RPS6KA2: variants seen among roughly 807,000 people sequenced by gnomAD.
RPS6KA2 encodes ribosomal protein S6 kinase alpha-2.
Under a neutral mutation model 91.8 loss-of-function variants are expected in RPS6KA2, and 42 were observed. The observed-to-expected ratio is 0.46, with a 90% CI of 0.36 to 0.59. RPS6KA2 has a LOEUF of 0.59. RPS6KA2 is among the 20% of genes least tolerant of loss of function. The pLI is 0.00. For missense variants in RPS6KA2, 798 were observed against 978.5 expected (o/e 0.82, Z 2.46); for synonymous variants, 414 against 393.6 (o/e 1.05, Z -0.61).
At chr6:166,840,434 G>A (rs73270722) in intron 2 of RPS6KA2, among the ~76,000 whole-genome samples, 7,925 of 152,200 alleles carry the variant, frequency 0.052, 731 homozygotes, top group African/African-American at 0.18. Flanking sequence ...AAGTTTGCCT[G>A]GCACAGACAC....
chr6:166,602,585 C>A (rs182941909), intron 1 of RPS6KA2, among the ~76,000 whole-genome samples: 7 of 152,206 alleles, frequency 4.6e-5, no homozygotes, highest in African/African-American at 1.7e-4. Context: ...TGAATGCAAC[C>A]TGGAACAAGA....
intron 2 of RPS6KA2, among the ~76,000 whole-genome samples, chr6:166,671,905 G>C (rs1473393658): frequency 6.6e-6 from 1 of 152,168 alleles, no homozygotes; most frequent in East Asian, 1.9e-4. Flanking sequence ...CCGAGGTTCA[G>C]ATTCGCAGGA....
At chr6:166,547,377 G>A (rs1244494930) in intron 1 of RPS6KA2, among the ~76,000 whole-genome samples, 1 of 152,218 alleles carries the variant, frequency 6.6e-6, no homozygotes, top group African/African-American at 2.4e-5. Context: ...CAGCTGATGG[G>A]GTGATGGGGA....
At chr6:166,742,861 AAC>A (rs1178423921) in intron 2 of RPS6KA2, among the ~76,000 whole-genome samples, 1 of 152,202 alleles carries the variant, frequency 6.6e-6, no homozygotes, top group Non-Finnish European at 1.5e-5. Flanking sequence ...CAGACACACA[AAC>A]AGACCCCATA....
intron 1 of RPS6KA2, among the ~76,000 whole-genome samples, chr6:166,858,590 G>A (rs1404692935): frequency 2.0e-5 from 3 of 152,226 alleles, no homozygotes; most frequent in Non-Finnish European, 2.9e-5. Flanking sequence ...TGGAGAAAGC[G>A]TGGATTTTCA....
intron 2 of RPS6KA2, among the ~76,000 whole-genome samples, chr6:166,641,720 A>G (rs866248120): frequency 2.5e-5 from 1 of 40,306 alleles, no homozygotes; most frequent in African/African-American, 1.6e-4. Flanking sequence ...ACTCTGTCAC[A>G]AAAAAAAAAA....
intron 1 of RPS6KA2, among the ~76,000 whole-genome samples, chr6:166,578,030 C>CT (rs1237088758): frequency 6.6e-6 from 1 of 152,190 alleles, no homozygotes; most frequent in African/African-American, 2.4e-5. Flanking sequence ...TTTTCTCTTG[C>CT]TGCCACCATA....
chr6:166,546,348 A>G (rs1417498590), intron 1 of RPS6KA2, among the ~76,000 whole-genome samples: 3 of 152,190 alleles, frequency 2.0e-5, no homozygotes, highest in Admixed American at 2.0e-4. Flanking sequence ...AAGGGGCTGA[A>G]TACATCTGTA....
intron 2 of RPS6KA2, among the ~76,000 whole-genome samples, chr6:166,642,356 C>A (rs1192011655): frequency 6.6e-6 from 1 of 152,160 alleles, no homozygotes; most frequent in Non-Finnish European, 1.5e-5. Flanking sequence ...AGTAAACAAT[C>A]GAAGAAAATT....
chr6:166,499,371 C>T (rs920782216), intron 7 of RPS6KA2, among the ~76,000 whole-genome samples: 1 of 152,216 alleles, frequency 6.6e-6, no homozygotes, highest in African/African-American at 2.4e-5. Flanking sequence ...GTCCTTGCCC[C>T]TGAGCCTGGG....
intron 5 of RPS6KA2, among the ~76,000 whole-genome samples, chr6:166,505,183 CA>C (rs1356519941): frequency 4.0e-5 from 6 of 151,792 alleles, no homozygotes; most frequent in Admixed American, 1.3e-4. Context: ...ATGGGTGCCC[CA>C]AGCTGAGGGG....
chr6:166,586,209 T>C, intron 1 of RPS6KA2: 1 of 1,589,928 alleles, frequency 6.3e-7, no homozygotes, highest in Non-Finnish European at 8.5e-7. Context: ...TTGCGGGTAG[T>C]TGTTACCCCA....
chr6:166,753,355 G>C (rs1042948905), intron 2 of RPS6KA2, among the ~76,000 whole-genome samples: 1 of 152,138 alleles, frequency 6.6e-6, no homozygotes, highest in Admixed American at 6.5e-5. Flanking sequence ...TAAAATTTTA[G>C]TTATAACTTC....
upstream of RPS6KA2, chr6:166,627,317 C>A: frequency 1.3e-6 from 1 of 768,762 alleles, no homozygotes; most frequent in South Asian, 5.6e-5. Flanking sequence ...CAGCGCCCGC[C>A]GCTCCGCGCC....
intron 2 of RPS6KA2, chr6:166,757,821 A>AC (rs1317550173): frequency 6.9e-6 from 2 of 291,464 alleles, no homozygotes; most frequent in South Asian, 5.6e-5. Context: ...TGCAGACAAA[A>AC]CCCCCGCTTT....
chr6:166,418,365 G>C lies in RPS6KA2; in HGVS notation c.1821-23C>G, dbSNP rs755535134. The C allele has an allele frequency of 6.5e-7, 1 of 1,542,776 alleles. No homozygotes were observed. Among genetic ancestry groups the C allele is most frequent in the South Asian group, 1.1e-5 (1 of 88,956 alleles). ...AATCTGTATAATTAGACAAATTTGTGGTAATGAGCTTGTATTTTACAACCT... is the reference window on the plus strand; with the variant it reads ...AATCTGTATAATTAGACAAATTTGTCGTAATGAGCTTGTATTTTACAACCT... On this transcript the variant is annotated intron_variant, in intron 18 of 20. Coordinates refer to ENST00000265678, the MANE Select transcript of RPS6KA2 (RefSeq NM_021135.6). This position sits in a 1 kb window ranked among gnomAD's most constrained non-coding sequence, Gnocchi z 4.9.
intron 2 of RPS6KA2, among the ~76,000 whole-genome samples, chr6:166,754,265 A>T (rs988752992): frequency 2.0e-5 from 3 of 152,256 alleles, no homozygotes; most frequent in Non-Finnish European, 4.4e-5. Context: ...TGGCAGGGCA[A>T]CAGGTCAGGA....
chr6:166,446,853 T>C (rs148486929), intron 14 of RPS6KA2, among the ~76,000 whole-genome samples: 182 of 152,204 alleles, frequency 1.2e-3, no homozygotes, highest in African/African-American at 4.3e-3. Flanking sequence ...ACCTGGTAAA[T>C]AATCTAAAGA....
chr6:166,446,734 C>T (rs561248735), intron 14 of RPS6KA2, among the ~76,000 whole-genome samples: 81 of 152,290 alleles, frequency 5.3e-4, no homozygotes, highest in African/African-American at 1.8e-3. Context: ...GGGGCTGATC[C>T]GCAGGCTGTT....
Sources: allele counts gnomAD v4.1 joint callset (sites outside exome capture counted in the v4.1 genomes callset), GRCh38; gene constraint gnomAD v4.1.1; non-coding constraint Gnocchi (gnomAD v3.1); transcripts MANE v1.5; gene names NCBI Gene and HGNC (gene_info 2026-07-23, HGNC 2026-07-21).